Variants in PRKN observed in about 807,000 individuals in gnomAD.
The protein encoded by PRKN is parkin RBR E3 ubiquitin protein ligase.
A neutral mutation model predicts 59.5 loss-of-function variants in PRKN; 56 were observed. That is an observed-to-expected ratio of 0.94 (90% CI 0.76 to 1.18). The LOEUF (loss-of-function observed/expected upper bound fraction) is 1.18. Among genes scored for constraint, PRKN ranks in the 50% most tolerant of loss-of-function variants. The probability of loss-of-function intolerance (pLI) is 0.00; values close to 1 mark genes in which losing one functional copy is unlikely to be tolerated. For missense variants in PRKN, 657 were observed against 596.4 expected, an observed-to-expected ratio of 1.10 and a Z score of -1.06; for synonymous variants, 250 against 222.1, an observed-to-expected ratio of 1.13 and a Z score of -1.12.
At chr6:162,067,319 CT>C (rs1385277023) in intron 4 of PRKN, among the ~76,000 whole-genome samples, 1 of 152,132 alleles carries the variant, frequency 6.6e-6, no homozygotes, top group African/African-American at 2.4e-5. Context: ...ATTAAATTAA[CT>C]TTGTTTTGAT....
intron 2 of PRKN, among the ~76,000 whole-genome samples, chr6:162,316,713 C>G (rs1485194305): frequency 6.6e-6 from 1 of 151,888 alleles, no homozygotes; most frequent in Admixed American, 6.6e-5. Context: ...CTATTAAGCG[C>G]CAATTCTGGG....
intron 5 of PRKN, among the ~76,000 whole-genome samples, chr6:162,010,072 C>G (rs1782429143): frequency 6.6e-6 from 1 of 150,890 alleles, no homozygotes; most frequent in Non-Finnish European, 1.5e-5. Flanking sequence ...TTAGAGGAAG[C>G]AATGGAACAT....
chr6:162,065,142 G>C (rs542515752), intron 4 of PRKN, among the ~76,000 whole-genome samples: 1 of 152,184 alleles, frequency 6.6e-6, no homozygotes, highest in African/African-American at 2.4e-5. Flanking sequence ...AGGATAGGCC[G>C]TGTGCAGGCT....
At chr6:161,676,881 G>GA (rs1023901908) in intron 7 of PRKN, among the ~76,000 whole-genome samples, 4 of 152,134 alleles carry the variant, frequency 2.6e-5, no homozygotes, top group East Asian at 1.9e-4. Flanking sequence ...ACAGGGATGA[G>GA]AAAAAAACAG....
At chr6:161,941,167 G>A (rs1480413578) in intron 6 of PRKN, among the ~76,000 whole-genome samples, 2 of 152,142 alleles carry the variant, frequency 1.3e-5, no homozygotes, top group African/African-American at 4.8e-5. Context: ...TCATTTTCCT[G>A]CCCCAATGTT....
chr6:161,863,493 A>C (rs924207922), intron 6 of PRKN, among the ~76,000 whole-genome samples: 2 of 152,184 alleles, frequency 1.3e-5, no homozygotes, highest in African/African-American at 2.4e-5. Context: ...GTACTGTACA[A>C]CAGTGTCCTA....
At chr6:162,651,418 G>A (rs924465783) in intron 1 of PRKN, among the ~76,000 whole-genome samples, 1 of 152,126 alleles carries the variant, frequency 6.6e-6, no homozygotes, top group African/African-American at 2.4e-5. Flanking sequence ...CTATCCTTCT[G>A]AAAAGGAGAC....
intron 9 of PRKN, among the ~76,000 whole-genome samples, chr6:161,398,855 G>C (rs1027508714): frequency 6.6e-6 from 1 of 152,136 alleles, no homozygotes; most frequent in Non-Finnish European, 1.5e-5. Flanking sequence ...GGAGGTTACA[G>C]ACAGGAGACA....
intron 6 of PRKN, among the ~76,000 whole-genome samples, chr6:161,946,414 A>ACACACACACTCTCT (rs1247187053): frequency 3.7e-4 from 42 of 114,438 alleles, no homozygotes; most frequent in African/African-American, 1.3e-3. Context: ...ACACACACAC[A>ACACACACACTCTCT]CTCTCTCTCT....
chr6:162,322,112 T>C (rs927382745), intron 2 of PRKN, among the ~76,000 whole-genome samples: 1 of 151,928 alleles, frequency 6.6e-6, no homozygotes, highest in African/African-American at 2.4e-5. Flanking sequence ...AAAAATGTCA[T>C]TAAAACTAAT....
intron 7 of PRKN, among the ~76,000 whole-genome samples, chr6:161,665,820 A>T (rs1170269713): frequency 1.3e-5 from 2 of 152,186 alleles, no homozygotes; most frequent in African/African-American, 2.4e-5. Context: ...CGCTGAACTG[A>T]CAGCCTCCCC....
At chr6:161,939,287 G>A (rs143679210) in intron 6 of PRKN, among the ~76,000 whole-genome samples, 1 of 151,862 alleles carries the variant, frequency 6.6e-6, no homozygotes, top group African/African-American at 2.4e-5. Context: ...ATGTGGTGGT[G>A]CATGCCCATA....
At chr6:161,843,218 C>T (rs2022990) in intron 6 of PRKN, among the ~76,000 whole-genome samples, 43,141 of 152,034 alleles carry the variant, frequency 0.28, 6,547 homozygotes, top group South Asian at 0.37. Context: ...GCCGGGTCTA[C>T]TCCGTGACTC....
intron 7 of PRKN, among the ~76,000 whole-genome samples, chr6:161,697,208 G>T (rs754386297): frequency 6.6e-5 from 10 of 152,128 alleles, no homozygotes; most frequent in Non-Finnish European, 1.0e-4. Flanking sequence ...TCTCCACTTG[G>T]GATGACACCT....
rs528976903 is a variant in PRKN at position 161,928,624 on chromosome 6, T to G, written c.734+44678A>C. Among the ~76,000 whole-genome samples, 12 of 152,328 alleles carry G rather than the reference T, an allele frequency of 7.9e-5. No individual in the cohort carries two copies. In the East Asian group the frequency reaches 1.9e-3, roughly 24 times the overall value. The stretch of plus-strand genomic sequence containing the variant: ...TCAGAATATATAACATATAACAAGA[T>G]ACTATTTGCCAGACGCCATAGTATA... On this transcript the variant is annotated intron_variant, in intron 6 of 11. Coordinates refer to ENST00000366898, the MANE Select transcript of PRKN (RefSeq NM_004562.3).
At chr6:161,565,502 C>T (rs1465323404) in intron 8 of PRKN, among the ~76,000 whole-genome samples, 3 of 152,068 alleles carry the variant, frequency 2.0e-5, no homozygotes, top group Non-Finnish European at 2.9e-5. Flanking sequence ...ATGGTGTTCT[C>T]GTGATGGTGA....
intron 6 of PRKN, among the ~76,000 whole-genome samples, chr6:161,828,058 A>C (rs1055543571): frequency 6.6e-6 from 1 of 152,206 alleles, no homozygotes; most frequent in Non-Finnish European, 1.5e-5. Context: ...GACCTTAGGA[A>C]TAAAGGAATA....
chr6:161,822,599 C>G (rs1231256987), intron 6 of PRKN, among the ~76,000 whole-genome samples: 1 of 152,132 alleles, frequency 6.6e-6, no homozygotes, highest in African/African-American at 2.4e-5. Flanking sequence ...TTGCTTGAAC[C>G]TTGGAGGCAG....
intron 1 of PRKN, among the ~76,000 whole-genome samples, chr6:162,708,642 C>G (rs1778417227): frequency 6.6e-6 from 1 of 152,332 alleles, no homozygotes; most frequent in East Asian, 1.9e-4. Flanking sequence ...ATTTCACTAA[C>G]TCAAAGGCCA....
Sources: allele counts gnomAD v4.1 joint callset (sites outside exome capture counted in the v4.1 genomes callset), GRCh38; gene constraint gnomAD v4.1.1; transcripts MANE v1.5; gene names NCBI Gene and HGNC (gene_info 2026-07-23, HGNC 2026-07-21).